Variants in TPD52L1 observed in about 807,000 individuals in gnomAD.
TPD52L1 encodes the protein TPD52 like 1.
Under a neutral mutation model 28.7 loss-of-function variants are expected in TPD52L1, and 18 were observed. That is an observed-to-expected ratio of 0.63 (90% confidence interval 0.43 to 0.93). The LOEUF (loss-of-function observed/expected upper bound fraction) is 0.93, where lower values mean the gene tolerates loss of function less well. TPD52L1 is among the 40% of genes least tolerant of loss of function. The pLI is 0.00. For missense variants in TPD52L1, 203 were observed against 254.8 expected, an observed-to-expected ratio of 0.80 and a Z score of 1.39; for synonymous variants, 75 against 88.8, an observed-to-expected ratio of 0.84 and a Z score of 0.88.
chr6:125,244,648 G>C (rs1796813142), intron 3 of TPD52L1, among the ~76,000 whole-genome samples: 1 of 152,168 alleles, frequency 6.6e-6, no homozygotes, highest in Non-Finnish European at 1.5e-5. Flanking sequence ...ACTCACCCTG[G>C]ATTGTTCCAG....
chr6:125,175,744 G>A (rs1791782880), intron 1 of TPD52L1, among the ~76,000 whole-genome samples: 1 of 152,152 alleles, frequency 6.6e-6, no homozygotes, highest in Non-Finnish European at 1.5e-5. Flanking sequence ...GAAATGATTA[G>A]TAAATTCTGC....
intron 1 of TPD52L1, among the ~76,000 whole-genome samples, chr6:125,194,031 T>G (rs1189675575): frequency 2.0e-5 from 3 of 151,572 alleles, no homozygotes; most frequent in East Asian, 3.9e-4. Context: ...TAGTTTTTTT[T>G]TTTTTTTTTT....
At chr6:125,155,280 T>A (rs544743759) in intron 1 of TPD52L1, among the ~76,000 whole-genome samples, 194 of 152,366 alleles carry the variant, frequency 1.3e-3, no homozygotes, top group Non-Finnish European at 2.5e-3. Context: ...CCAACCTGAC[T>A]TGCATATTAG....
intron 1 of TPD52L1, among the ~76,000 whole-genome samples, chr6:125,179,494 T>A (rs1412604960): frequency 2.6e-5 from 4 of 152,222 alleles, no homozygotes; most frequent in Non-Finnish European, 5.9e-5. Context: ...ACTCTATGAA[T>A]GCTAGTTTTC....
chr6:125,177,359 G>T (rs569468905), intron 1 of TPD52L1, among the ~76,000 whole-genome samples: 101 of 152,256 alleles, frequency 6.6e-4, no homozygotes, highest in Non-Finnish European at 1.2e-3. Context: ...TCCCCTGGAA[G>T]TCATCCTCCT....
chr6:125,157,799 T>A (rs1219537923), intron 1 of TPD52L1, among the ~76,000 whole-genome samples: 1 of 143,178 alleles, frequency 7.0e-6, no homozygotes, highest in Non-Finnish European at 1.5e-5. Flanking sequence ...CTATGTTAGT[T>A]TCTCAAGGCC....
At chr6:125,200,974 T>C (rs1793766870) in intron 1 of TPD52L1, among the ~76,000 whole-genome samples, 1 of 152,224 alleles carries the variant, frequency 6.6e-6, no homozygotes, top group African/African-American at 2.4e-5. Context: ...TTTTAGCATA[T>C]TTCATTTTTC....
At chr6:125,156,483 G>A (rs2325679) in intron 1 of TPD52L1, among the ~76,000 whole-genome samples, 13,622 of 131,702 alleles carry the variant, frequency 0.1, 1,183 homozygotes, top group East Asian at 0.24. Context: ...AAAAAAAAGA[G>A]AGAGATACAA....
intron 4 of TPD52L1, 148 bp from the exon 5 acceptor site, chr6:125,253,569 A>G: frequency 1.4e-6 from 1 of 728,572 alleles, no homozygotes; most frequent in Non-Finnish European, 2.3e-6. Context: ...ACCCAACAAA[A>G]ACAAATGTCA....
intron 1 of TPD52L1, among the ~76,000 whole-genome samples, chr6:125,210,126 T>C (rs6919420): frequency 0.25 from 37,867 of 152,140 alleles, 5,457 homozygotes; most frequent in Admixed American, 0.39. Context: ...TCAGGAGAAG[T>C]CAAATAATCA....
At chr6:125,242,160 T>C (rs1179449915) in intron 3 of TPD52L1, among the ~76,000 whole-genome samples, 1 of 151,710 alleles carries the variant, frequency 6.6e-6, no homozygotes, top group Non-Finnish European at 1.5e-5. Context: ...TCAGGATACT[T>C]GATATGAATT....
chr6:125,254,752 C>T (rs1052134979), intron 5 of TPD52L1, among the ~76,000 whole-genome samples: 3 of 151,876 alleles, frequency 2.0e-5, no homozygotes, highest in Non-Finnish European at 4.4e-5. Context: ...TTCCTAGGGT[C>T]ATTTGCAGTG....
intron 1 of TPD52L1, among the ~76,000 whole-genome samples, chr6:125,202,447 G>A (rs939704656): frequency 6.6e-6 from 1 of 152,154 alleles, no homozygotes; most frequent in Non-Finnish European, 1.5e-5. Flanking sequence ...GGAGTTGAAG[G>A]AGATAAGAAA....
chr6:125,182,502 A>G lies in TPD52L1; in HGVS notation c.19+28532A>G, dbSNP rs148546713. 8.0e-3 allele frequency among the ~76,000 whole-genome samples: 1,222 copies of G among 152,242 alleles called. 63 individuals carry two copies. The highest frequency in any genetic ancestry group is 0.075 in the Admixed American group (1,152 of 15,274). On this transcript the variant is annotated intron_variant, in intron 1 of 6. Transcript: ENST00000534000. ...GTTTTTGAGAGTTGGTTTAAGGTAG[A>G]AAGGGAGGGAACCTGCCATCTGGAA...
chr6:125,246,070 A>C (rs748605386), intron 3 of TPD52L1, among the ~76,000 whole-genome samples: 2 of 152,196 alleles, frequency 1.3e-5, no homozygotes, highest in East Asian at 3.9e-4. Context: ...TGTGAGATAC[A>C]GTTATATACC....
chr6:125,187,089 A>G (rs1235462452), intron 1 of TPD52L1, among the ~76,000 whole-genome samples: 1 of 152,226 alleles, frequency 6.6e-6, no homozygotes, highest in Non-Finnish European at 1.5e-5. Flanking sequence ...TATCAATACA[A>G]TATGAAAAAA....
At chr6:125,181,760 C>T (rs898313038) in intron 1 of TPD52L1, among the ~76,000 whole-genome samples, 1 of 152,200 alleles carries the variant, frequency 6.6e-6, no homozygotes, top group Non-Finnish European at 1.5e-5. Context: ...TGCCAGTTTA[C>T]ATTGGCGTGG....
chr6:125,222,997 TA>T lies in TPD52L1; in HGVS notation c.135+2807del, dbSNP rs563952913. ...TAAATTTCTTTGTTTTCTGCCTGTG[TA>T]AATAAGACCTTAACTTTTCAGCTTC... On this transcript the variant is annotated intron_variant, in intron 2 of 6. Coordinates refer to ENST00000534000, the MANE Select transcript of TPD52L1 (RefSeq NM_003287.4). 5.7e-3 allele frequency among the ~76,000 whole-genome samples: 867 copies of T among 151,656 alleles called. 11 individuals are homozygous for T. Among genetic ancestry groups the T allele is most frequent in the African/African-American group, 0.02 (810 of 40,964 alleles).
At chr6:125,205,943 G>C (rs925206367) in intron 1 of TPD52L1, among the ~76,000 whole-genome samples, 2 of 152,170 alleles carry the variant, frequency 1.3e-5, no homozygotes, top group South Asian at 2.1e-4. Context: ...TTTGAGACTA[G>C]AGTCCATTTT....
Sources: gnomAD v4.1 joint callset for allele counts (sites outside exome capture counted in the v4.1 genomes callset) on GRCh38, gnomAD v4.1.1 for gene constraint, MANE v1.5 for transcripts, NCBI Gene and HGNC (gene_info 2026-07-23, HGNC 2026-07-21) for gene names.